The following MCMDC2 variants were observed in gnomAD, a reference collection of about 807,000 sequenced individuals.
The protein encoded by MCMDC2 is minichromosome maintenance domain containing 2.
Under a neutral mutation model 75.8 loss-of-function variants are expected in MCMDC2, and 54 were observed. The observed-to-expected ratio is 0.71, with a 90% CI of 0.57 to 0.89. The LOEUF (loss-of-function observed/expected upper bound fraction) is 0.89. Ranked by LOEUF, MCMDC2 falls within the 40% of genes least tolerant of loss-of-function variation. MCMDC2 has a pLI of 0.00. For synonymous variants in MCMDC2, 249 were observed against 274.6 expected (o/e 0.91, Z 0.92); for missense variants, 656 against 780.4 (o/e 0.84, Z 1.90).
intron 4 of MCMDC2, among the ~76,000 whole-genome samples, chr8:66,875,153 A>G (rs185385674): frequency 2.6e-4 from 39 of 152,302 alleles, no homozygotes; most frequent in African/African-American, 7.2e-4. Flanking sequence ...CTCAGATTCA[A>G]TGTTATAATA....
chr8:66,883,733 A>G lies in MCMDC2; in HGVS notation c.836-24A>G, dbSNP rs746618530. 6.9e-6 allele frequency: 9 copies of G among 1,307,632 alleles called. No homozygotes were observed. The South Asian group carries it at 1.1e-4, about 16-fold the overall frequency. 81.0% of individuals were successfully genotyped at this position (1,307,632 alleles called of 1,614,324 possible). ...GTCTTGTTTTAAAACCCTTTCTAAT[A>G]TATATGTTAATATTTACTTTCAGTT... On this transcript the variant is annotated intron_variant, in intron 8 of 14. Transcript: ENST00000422365.
downstream of MCMDC2, chr8:66,922,604 AT>A: frequency 3.9e-6 from 2 of 509,712 alleles, no homozygotes. Flanking sequence ...CATTAATTAA[AT>A]TTAGGTACCT....
intron 14 of MCMDC2, among the ~76,000 whole-genome samples, chr8:66,915,624 T>A (rs888867773): frequency 6.6e-6 from 1 of 151,058 alleles, no homozygotes; most frequent in Admixed American, 6.6e-5. Flanking sequence ...ACTTTTTTTT[T>A]AAAGGAGATA....
chr8:66,891,115 C>T, intron 10 of MCMDC2, 45 bp downstream of exon 10: 1 of 1,474,436 alleles, frequency 6.8e-7, no homozygotes, highest in East Asian at 2.4e-5. Flanking sequence ...TTAACCTATA[C>T]TCTCATCCAT....
intron 8 of MCMDC2, among the ~76,000 whole-genome samples, chr8:66,881,868 G>A (rs550875165): frequency 2.6e-5 from 4 of 152,248 alleles, no homozygotes; most frequent in Non-Finnish European, 4.4e-5. Flanking sequence ...CTTTTAACTT[G>A]GCTCACAAGT....
intron 13 of MCMDC2, 44 bp downstream of exon 13, chr8:66,901,392 AATGATATGTTT>A (rs1812652089): frequency 6.3e-7 from 1 of 1,578,096 alleles, no homozygotes; most frequent in East Asian, 2.3e-5. Flanking sequence ...TTGAGTTTCA[AATGATATGTTT>A]AATTAAATTG....
At chr8:66,925,204 G>A (rs900631237), downstream of MCMDC2, among the ~76,000 whole-genome samples, 2 of 152,212 alleles carry the variant, frequency 1.3e-5, no homozygotes, top group African/African-American at 4.8e-5. Flanking sequence ...CGGTGTTGAC[G>A]GAGAAAGGTC....
At chr8:66,895,400 C>CTTTT (rs34840665) in intron 10 of MCMDC2, among the ~76,000 whole-genome samples, 4 of 136,344 alleles carry the variant, frequency 2.9e-5, no homozygotes, top group South Asian at 2.4e-4. Flanking sequence ...TTCTTTCTTT[C>CTTTT]TTTTTTTTTT....
In MCMDC2 at chr8:66,895,214, A is replaced by T. The variant is rs144729435; in HGVS notation, c.1280-956A>T. Among the ~76,000 whole-genome samples, 516 of 152,096 alleles carry T rather than the reference A, an allele frequency of 3.4e-3. 6 individuals carry two copies. Among genetic ancestry groups the T allele is most frequent in the African/African-American group, 0.011 (454 of 41,482 alleles). On this transcript the variant is annotated intron_variant, in intron 10 of 14. Coordinates refer to ENST00000422365, the MANE Select transcript of MCMDC2 (RefSeq NM_173518.5). ...TACTGTGTTGTTTTTTATTGTTGTT[A>T]TTGTTTTATTTATTTATTGAATATT...
intron 14 of MCMDC2, among the ~76,000 whole-genome samples, chr8:66,914,175 C>T (rs1295397564): frequency 4.7e-5 from 7 of 148,206 alleles, no homozygotes; most frequent in African/African-American, 7.5e-5. Flanking sequence ...CCCAGCTACT[C>T]GATAAGCTGA....
At chr8:66,894,781 A>G (rs1408365622) in intron 10 of MCMDC2, among the ~76,000 whole-genome samples, 1 of 152,208 alleles carries the variant, frequency 6.6e-6, no homozygotes, top group Non-Finnish European at 1.5e-5. Flanking sequence ...TTCCCCACTG[A>G]AAGTGTACAG....
At chr8:66,907,008 T>C (rs563090090) in intron 14 of MCMDC2, among the ~76,000 whole-genome samples, 39 of 152,250 alleles carry the variant, frequency 2.6e-4, no homozygotes, top group African/African-American at 8.4e-4. Context: ...CCTCAGGTGA[T>C]CTGCCTGACT....
chr8:66,897,031 A>G, intron 12 of MCMDC2, 72 bp downstream of exon 12: 1 of 1,355,496 alleles, frequency 7.4e-7, no homozygotes, highest in Non-Finnish European at 1.0e-6. Context: ...AGTCCTTTTG[A>G]GTGCTGGATT....
intron 10 of MCMDC2, among the ~76,000 whole-genome samples, chr8:66,891,871 C>T (rs933063872): frequency 6.6e-6 from 1 of 152,120 alleles, no homozygotes; most frequent in Admixed American, 6.6e-5. Flanking sequence ...GTGCTGGCTT[C>T]ATGCAAGGCT....
intron 8 of MCMDC2, among the ~76,000 whole-genome samples, chr8:66,881,399 G>C (rs1054250460): frequency 2.6e-5 from 4 of 152,172 alleles, no homozygotes; most frequent in African/African-American, 9.6e-5. Flanking sequence ...CAATAAAGTA[G>C]CATCCTTGGC....
chr8:66,893,854 ACAACT>A (rs1179321151), intron 10 of MCMDC2, among the ~76,000 whole-genome samples: 1 of 111,640 alleles, frequency 9.0e-6, no homozygotes, highest in Non-Finnish European at 1.7e-5. Flanking sequence ...GGGCCTCGGT[ACAACT>A]GCACTTGGTT....
chr8:66,896,215 TTG>T lies in MCMDC2; in HGVS notation c.1326_1327del (p.Phe442LeufsTer5). The T allele has an allele frequency of 6.2e-7, 1 of 1,612,830 alleles. No individual in the cohort carries two copies. Among genetic ancestry groups the T allele is most frequent in the Non-Finnish European group, 8.5e-7 (1 of 1,179,788 alleles). Reference sequence around the variant, plus strand: ...ACAGTGTACATCCCAGGAAAGAAGTTTGGGGAGGATATTGATCAACAGATGAC... The same window carrying T: ...ACAGTGTACATCCCAGGAAAGAAGTTGGGAGGATATTGATCAACAGATGAC... On this transcript the variant is annotated frameshift_variant, in exon 11 of 15. Coordinates refer to ENST00000422365, the MANE Select transcript of MCMDC2 (RefSeq NM_173518.5). LOFTEE classifies it high-confidence loss of function.
At chr8:66,910,087 A>C (rs977938561) in intron 14 of MCMDC2, among the ~76,000 whole-genome samples, 1 of 152,264 alleles carries the variant, frequency 6.6e-6, no homozygotes, top group African/African-American at 2.4e-5. Context: ...GCGGGTGCAC[A>C]GAAGTCAAGA....
intron 1 of MCMDC2, among the ~76,000 whole-genome samples, chr8:66,872,547 A>G (rs911431661): frequency 3.3e-5 from 5 of 152,164 alleles, no homozygotes; most frequent in Admixed American, 6.6e-5. Flanking sequence ...CTGTTTACAT[A>G]TATGTCTTCT....
Sources: gnomAD v4.1 joint callset for allele counts (sites outside exome capture counted in the v4.1 genomes callset) on GRCh38, gnomAD v4.1.1 for gene constraint, MANE v1.5 for transcripts, NCBI Gene and HGNC (gene_info 2026-07-23, HGNC 2026-07-21) for gene names.